GRIK4: variants seen among roughly 807,000 people sequenced by gnomAD.
The protein encoded by GRIK4 is glutamate receptor ionotropic, kainate 4.
GRIK4 carries 40 observed loss-of-function variants against 104.9 expected under a neutral mutation model. That is an observed-to-expected ratio of 0.38 (90% CI 0.30 to 0.50). The LOEUF is 0.50. Among genes scored for constraint, GRIK4 ranks in the 20% least tolerant of loss-of-function variants. The probability of loss-of-function intolerance (pLI) is 0.93; values close to 1 mark genes in which losing one functional copy is unlikely to be tolerated. For synonymous variants in GRIK4, 485 were observed against 524.9 expected, an observed-to-expected ratio of 0.92 and a Z score of 1.04; for missense variants, 1,047 against 1,308.1, an observed-to-expected ratio of 0.80 and a Z score of 3.08.
At chr11:120,874,247 T>C in intron 10 of GRIK4, 29 bp downstream of exon 10, 1 of 1,590,238 alleles carries the variant, frequency 6.3e-7, no homozygotes, top group Non-Finnish European at 8.6e-7. Flanking sequence ...CCTGCAGGGC[T>C]GTGCCCAGGC....
chr11:120,758,529 G>C (rs1951691720), intron 3 of GRIK4, among the ~76,000 whole-genome samples: 1 of 152,182 alleles, frequency 6.6e-6, no homozygotes, highest in African/African-American at 2.4e-5. Flanking sequence ...ACCTCCCGTG[G>C]CACCATTGCA....
At chr11:120,740,477 C>T (rs1051804810) in intron 3 of GRIK4, among the ~76,000 whole-genome samples, 4 of 152,182 alleles carry the variant, frequency 2.6e-5, no homozygotes, top group African/African-American at 7.2e-5. Context: ...AGAGCTGTCC[C>T]GTGGCCCTGT....
intron 13 of GRIK4, among the ~76,000 whole-genome samples, chr11:120,916,410 G>A (rs1943105759): frequency 6.6e-6 from 1 of 152,186 alleles, no homozygotes; most frequent in African/African-American, 2.4e-5. Context: ...CTTCTGAATC[G>A]GGACAACCAG....
rs1387202709 is a variant in GRIK4, at chr11:120,956,702, G to T, written c.1701-78G>T. ...GGCCACAGGCCGGTCTCAGAGGTGAGACCAGCCAGGAGAGCCTGCCTGTGT... is the reference window on the plus strand; with the variant it reads ...GGCCACAGGCCGGTCTCAGAGGTGATACCAGCCAGGAGAGCCTGCCTGTGT... On this transcript the variant is annotated intron_variant, in intron 15 of 20. Transcript: ENST00000527524. The surrounding 1 kb of genome is among the most constrained non-coding windows in gnomAD (Gnocchi z 4.6). The T allele has an allele frequency of 2.6e-6, 3 of 1,146,810 alleles. No homozygotes were observed. Among genetic ancestry groups the T allele is most frequent in the Non-Finnish European group, 3.5e-6 (3 of 848,586 alleles). 71.0% of individuals were successfully genotyped at this position (1,146,810 alleles called of 1,614,324 possible).
intron 1 of GRIK4, among the ~76,000 whole-genome samples, chr11:120,603,585 C>T (rs1048023393): frequency 2.0e-5 from 3 of 152,174 alleles, no homozygotes; most frequent in Non-Finnish European, 4.4e-5. Context: ...CTCATTTACG[C>T]CTCACGACAA....
chr11:120,861,666 C>T (rs929153712), intron 8 of GRIK4, among the ~76,000 whole-genome samples: 2 of 152,188 alleles, frequency 1.3e-5, no homozygotes, highest in Non-Finnish European at 2.9e-5. Context: ...CCCTGTGTGC[C>T]TAGTGCTGCC....
rs780010435 is a variant in GRIK4, at chr11:120,819,849, G to T, written c.440G>T (p.Ser147Ile). Residue 147 changes from serine to isoleucine, a missense_variant, in exon 6 of 21, where the codon AGC (serine) becomes ATC (isoleucine). Transcript: ENST00000527524. The surrounding 1 kb of genome is among the most constrained non-coding windows in gnomAD (Gnocchi z 4.3). ...CTCCACCCCAGCAACACTGACATCA[G>T]CGTGGCTGTAGCTGGGATCCTGAAC... Reference protein sequence around the residue: ...LNLHPSNTDISVAVAGILNFF... With the variant: ...LNLHPSNTDIIVAVAGILNFF... 2 of 1,614,112 alleles carry T rather than the reference G, an allele frequency of 1.2e-6. No homozygotes were observed. Among genetic ancestry groups the T allele is most frequent in the Non-Finnish European group, 1.7e-6 (2 of 1,179,966 alleles).
chr11:120,887,919 C>T (rs1197187295), intron 11 of GRIK4, among the ~76,000 whole-genome samples: 1 of 152,120 alleles, frequency 6.6e-6, no homozygotes, highest in Non-Finnish European at 1.5e-5. Flanking sequence ...TGGTGGGTGA[C>T]TGGGAAACCC....
intron 20 of GRIK4, among the ~76,000 whole-genome samples, chr11:120,983,746 T>C (rs925542315): frequency 1.3e-5 from 2 of 152,226 alleles, no homozygotes; most frequent in African/African-American, 2.4e-5. Context: ...GTGTAACCTA[T>C]GCATGAACCA....
intron 1 of GRIK4, among the ~76,000 whole-genome samples, chr11:120,646,297 C>T (rs1245118051): frequency 6.6e-6 from 1 of 152,228 alleles, no homozygotes; most frequent in African/African-American, 2.4e-5. Context: ...GCATTTTCTC[C>T]ACTTTGTGAA....
intron 1 of GRIK4, among the ~76,000 whole-genome samples, chr11:120,653,116 A>G (rs1452720257): frequency 6.6e-6 from 1 of 152,222 alleles, no homozygotes; most frequent in Non-Finnish European, 1.5e-5. Flanking sequence ...CATGCATTTG[A>G]CAGTATTTAT....
intron 1 of GRIK4, among the ~76,000 whole-genome samples, chr11:120,634,422 G>A (rs1471165375): frequency 1.3e-5 from 2 of 152,036 alleles, no homozygotes; most frequent in Non-Finnish European, 2.9e-5. Flanking sequence ...CCATCCCGTG[G>A]TGCCATTTCC....
At chr11:120,789,462 G>A (rs891194640) in intron 3 of GRIK4, among the ~76,000 whole-genome samples, 2 of 151,680 alleles carry the variant, frequency 1.3e-5, no homozygotes, top group African/African-American at 2.4e-5. Flanking sequence ...TCCTCTTTCC[G>A]TGCCCCTCAC....
intron 13 of GRIK4, among the ~76,000 whole-genome samples, chr11:120,906,527 C>G (rs1021105956): frequency 7.2e-5 from 11 of 152,248 alleles, no homozygotes; most frequent in African/African-American, 2.7e-4. Context: ...ATACTGTTAG[C>G]ATGAGGCAGG....
chr11:120,967,387 T>C lies in GRIK4; in HGVS notation c.2395+64T>C, dbSNP rs964626810. The C allele has an allele frequency of 6.6e-6, 10 of 1,525,280 alleles. No individual in the cohort carries two copies. The Admixed American group carries it at 1.9e-4, about 30-fold the overall frequency. 94.5% of individuals were successfully genotyped at this position (1,525,280 alleles called of 1,614,324 possible). On this transcript the variant is annotated intron_variant, in intron 19 of 20. Transcript: ENST00000527524. This position sits in a 1 kb window ranked among gnomAD's most constrained non-coding sequence, Gnocchi z 4.2. ...GACCAAAGTAGCTTGTTTCTCGTGT[T>C]CAAATTCCAGGTACACATAATGACT... is the stretch of plus-strand genomic sequence containing the variant.
At chr11:120,702,631 GA>G (rs1254748592) in intron 3 of GRIK4, among the ~76,000 whole-genome samples, 1 of 152,190 alleles carries the variant, frequency 6.6e-6, no homozygotes, top group Non-Finnish European at 1.5e-5. Flanking sequence ...CAAGGGGCAG[GA>G]GGAAAGCTGG....
intron 3 of GRIK4, among the ~76,000 whole-genome samples, chr11:120,797,694 G>A (rs562324688): frequency 8.5e-5 from 13 of 152,298 alleles, no homozygotes; most frequent in Admixed American, 5.9e-4. Context: ...TCCCTGAATC[G>A]CACGGGGGTT....
chr11:120,658,048 A>G (rs1296417613), intron 2 of GRIK4, among the ~76,000 whole-genome samples: 1 of 152,164 alleles, frequency 6.6e-6, no homozygotes, highest in East Asian at 1.9e-4. Flanking sequence ...TACACTTTAT[A>G]TAGACAGAAT....
In GRIK4 at chr11:120,628,501, G is replaced by C. The variant is rs931185446; in HGVS notation, c.-158-25184G>C. Among the ~76,000 whole-genome samples the C allele has an allele frequency of 4.9e-4, 74 of 152,156 alleles. 1 individual carries two copies. The highest frequency in any genetic ancestry group is 7.4e-5 in the Non-Finnish European group (5 of 68,022). On this transcript the variant is annotated intron_variant, in intron 1 of 20. Coordinates refer to ENST00000527524, the MANE Select transcript of GRIK4 (RefSeq NM_014619.5). The stretch of plus-strand genomic sequence containing the variant: ...GTAAAAACACACCTTGGAGATTGTA[G>C]ATCCCCTGAAGCCAGGAGCTGTGCT...
Sources: allele counts gnomAD v4.1 joint callset (sites outside exome capture counted in the v4.1 genomes callset), GRCh38; gene constraint gnomAD v4.1.1; non-coding constraint Gnocchi (gnomAD v3.1); transcripts MANE v1.5; gene names NCBI Gene and HGNC (gene_info 2026-07-23, HGNC 2026-07-21).